RBPJ: variants seen among roughly 807,000 people sequenced by gnomAD.
RBPJ encodes the protein recombining binding protein suppressor of hairless.
RBPJ carries 9 observed loss-of-function variants against 67.8 expected under a neutral mutation model. The observed-to-expected ratio is 0.13, with a 90% CI of 0.08 to 0.23. The LOEUF (loss-of-function observed/expected upper bound fraction) is 0.23. Among genes scored for constraint, RBPJ ranks in the 10% least tolerant of loss-of-function variants. The pLI is 1.00. For missense variants in RBPJ, 305 were observed against 595.6 expected (o/e 0.51, Z 5.08); for synonymous variants, 198 against 203.3 (o/e 0.97, Z 0.22).
chr4:26,422,416 T>C (rs947557692), intron 5 of RBPJ, among the ~76,000 whole-genome samples: 2 of 152,214 alleles, frequency 1.3e-5, no homozygotes, highest in African/African-American at 2.4e-5. Flanking sequence ...TGGAGTTTTT[T>C]CTACAAAGAG....
intron 1 of RBPJ, among the ~76,000 whole-genome samples, chr4:26,170,715 C>A (rs1053828363): frequency 6.6e-6 from 1 of 152,094 alleles, no homozygotes; most frequent in Admixed American, 6.5e-5. Flanking sequence ...ATTTATGCGA[C>A]CTTAAGAAAT....
intron 1 of RBPJ, among the ~76,000 whole-genome samples, chr4:26,377,162 T>C (rs538950347): frequency 1.3e-4 from 20 of 152,350 alleles, no homozygotes; most frequent in Admixed American, 1.2e-3. Flanking sequence ...GCTTACTCAG[T>C]GCTGGACACT....
intron 1 of RBPJ, among the ~76,000 whole-genome samples, chr4:26,382,767 C>T (rs1398600944): frequency 6.6e-6 from 1 of 152,212 alleles, no homozygotes; most frequent in Non-Finnish European, 1.5e-5. Context: ...TCTTGAACTC[C>T]TGTGCTCACG....
At chr4:26,209,262 C>T (rs1222495578) in intron 1 of RBPJ, among the ~76,000 whole-genome samples, 1 of 152,000 alleles carries the variant, frequency 6.6e-6, no homozygotes, top group East Asian at 1.9e-4. Flanking sequence ...CAGTTTCTTC[C>T]AAAATATGAT....
chr4:26,255,273 G>C (rs577867373), intron 1 of RBPJ, among the ~76,000 whole-genome samples: 1 of 130,134 alleles, frequency 7.7e-6, no homozygotes, highest in Non-Finnish European at 1.6e-5. Context: ...GCGTGGTGGC[G>C]GGCGCCTGTA....
rs1294520388 is a variant in RBPJ, at chr4:26,433,373, C to A, written c.*2366C>A. ...CTTTAACGGCCACAAGTTTCCTCCA[C>A]TTCCTAGGTTTGGTATTTAGTTAAG... On this transcript the variant is annotated 3_prime_UTR_variant, in exon 11 of 11. Transcript: ENST00000355476. The A allele has an allele frequency of 6.6e-6, 1 of 152,192 alleles. No individual in the cohort carries two copies. Among genetic ancestry groups the A allele is most frequent in the Non-Finnish European group, 1.5e-5 (1 of 68,030 alleles). The allele number at this position is 152,192 out of a possible 1,614,324, so 9.4% of individuals were successfully genotyped here. A position where few individuals can be genotyped will look rare whatever the true frequency, so the allele number is the denominator to read the frequency against.
At chr4:26,134,094 C>G in the RBPJ span, among the ~76,000 whole-genome samples, 1 of 152,142 alleles carries the variant, frequency 6.6e-6, no homozygotes, top group Non-Finnish European at 1.5e-5. Flanking sequence ...CTCCCCTCCC[C>G]CTGAAATTTC....
intron 2 of RBPJ, among the ~76,000 whole-genome samples, chr4:26,398,775 G>A (rs546910016): frequency 9.2e-5 from 14 of 152,034 alleles, no homozygotes; most frequent in African/African-American, 1.7e-4. Flanking sequence ...CACCACACCC[G>A]GGTAATTTTT....
intron 3 of RBPJ, among the ~76,000 whole-genome samples, chr4:26,409,880 T>C (rs1340005211): frequency 1.3e-5 from 2 of 152,190 alleles, no homozygotes; most frequent in Admixed American, 1.3e-4. Flanking sequence ...CAATCTAAGC[T>C]TTGAAGTCCT....
chr4:26,140,252 C>T, the RBPJ span, among the ~76,000 whole-genome samples: 2 of 152,202 alleles, frequency 1.3e-5, no homozygotes, highest in Non-Finnish European at 2.9e-5. Context: ...TCCTTAATTG[C>T]CCAGTGACAG....
the RBPJ span, among the ~76,000 whole-genome samples, chr4:26,157,103 ACAAAC>A: frequency 0.23 from 30,219 of 134,050 alleles, 3,962 homozygotes; most frequent in Admixed American, 0.27. Flanking sequence ...ACAAACAAAA[ACAAAC>A]AAACAAACAA....
chr4:26,282,529 G>GT (rs11459776), intron 1 of RBPJ, among the ~76,000 whole-genome samples: 19,179 of 148,342 alleles, frequency 0.13, 2,314 homozygotes, highest in African/African-American at 0.33. Context: ...TTTTCTTTTT[G>GT]TTTTTTTTGA....
the RBPJ span, among the ~76,000 whole-genome samples, chr4:26,121,883 T>C: frequency 0.017 from 2,613 of 149,690 alleles, 47 homozygotes; most frequent in Non-Finnish European, 0.03. Flanking sequence ...CTTTTTTTTT[T>C]TTTTTTTTTT....
chr4:26,168,218 G>T (rs1000725216), intron 1 of RBPJ, among the ~76,000 whole-genome samples: 63 of 152,234 alleles, frequency 4.1e-4, no homozygotes, highest in Non-Finnish European at 7.8e-4. Flanking sequence ...TACAAGTTGT[G>T]CCTTTCCATG....
At chr4:26,255,853 C>G (rs929856984) in intron 1 of RBPJ, among the ~76,000 whole-genome samples, 2 of 151,814 alleles carry the variant, frequency 1.3e-5, no homozygotes, top group Non-Finnish European at 2.9e-5. Context: ...AGTTCTAGTC[C>G]TGGCTTGGAT....
chr4:26,424,537 TGAG>T lies in RBPJ; in HGVS notation c.634+59_634+61del. The T allele has an allele frequency of 1.9e-6, 3 of 1,575,604 alleles. No homozygotes were observed. Among genetic ancestry groups the T allele is most frequent in the Non-Finnish European group, 2.6e-6 (3 of 1,148,164 alleles). ...GTGTGAAATTGTTAAAATCTTTTGA[TGAG>T]ATACATGGATATATTAAGTTTTGTC... On this transcript the variant is annotated intron_variant, in intron 6 of 10. Transcript: ENST00000355476. This position sits in a 1 kb window ranked among gnomAD's most constrained non-coding sequence, Gnocchi z 5.3.
chr4:26,238,987 G>A (rs1437457997), intron 1 of RBPJ, among the ~76,000 whole-genome samples: 1 of 151,984 alleles, frequency 6.6e-6, no homozygotes, highest in Non-Finnish European at 1.5e-5. Context: ...GGAACAGGGC[G>A]GCACCATTTG....
intron 1 of RBPJ, among the ~76,000 whole-genome samples, chr4:26,287,610 G>A (rs1269495497): frequency 1.4e-4 from 3 of 21,136 alleles, no homozygotes; most frequent in African/African-American, 2.3e-4. Flanking sequence ...GGAGGGGAGG[G>A]GAGGGGAGGG....
intron 1 of RBPJ, among the ~76,000 whole-genome samples, chr4:26,339,494 T>C (rs1725265030): frequency 1.3e-5 from 2 of 150,194 alleles, no homozygotes; most frequent in Non-Finnish European, 3.0e-5. Context: ...ATTAGCTGGG[T>C]GTGGTGGTGG....
Sources: gnomAD v4.1 joint callset for allele counts (sites outside exome capture counted in the v4.1 genomes callset) on GRCh38, gnomAD v4.1.1 for gene constraint, Gnocchi (gnomAD v3.1) non-coding constraint, MANE v1.5 for transcripts, NCBI Gene and HGNC (gene_info 2026-07-23, HGNC 2026-07-21) for gene names.